The following TMCO6 variants were observed in gnomAD, a reference collection of about 807,000 sequenced individuals.
The protein encoded by TMCO6 is transmembrane and coiled-coil domains 6, also known as transmembrane and coiled-coil domain-containing protein 6.
Under a neutral mutation model 61.8 loss-of-function variants are expected in TMCO6, and 47 were observed. That is an observed-to-expected ratio of 0.76 (90% CI 0.60 to 0.97). The LOEUF is 0.97. Among genes scored for constraint, TMCO6 ranks in the 50% least tolerant of loss-of-function variants. The pLI, the probability that TMCO6 is intolerant of heterozygous loss-of-function variation, is 0.00. For synonymous variants in TMCO6, 261 were observed against 254.2 expected, an observed-to-expected ratio of 1.03 and a Z score of -0.25; for missense variants, 557 against 601.6, an observed-to-expected ratio of 0.93 and a Z score of 0.78.
chr5:140,645,690 G>A (rs1757351915), downstream of TMCO6: 3 of 1,614,094 alleles, frequency 1.9e-6, no homozygotes, highest in Non-Finnish European at 1.7e-6. Flanking sequence ...TGAAGAGAGA[G>A]AGGGAGGTGT....
rs1402685355 is a variant in TMCO6, at chr5:140,642,633, G to A, written c.651G>A (p.Gln217=). The change falls in exon 6 of 12, where the codon CAG becomes CAA. Residue 217 remains glutamine (Q), a synonymous_variant. Coordinates refer to ENST00000394671, the MANE Select transcript of TMCO6 (RefSeq NM_018502.5). ...VLEALGYALS[Q]LLQAEEAPEK... is the part of the protein sequence containing the mutation. ...AAGCTCTCGGATATGCCTTGTCCCA[G>A]CTTCTACAGGCTGAGGAAGCTCCAG... The A allele has an allele frequency of 6.2e-7, 1 of 1,614,246 alleles. No individual in the cohort carries two copies. The highest frequency in any genetic ancestry group is 2.2e-5 in the East Asian group (1 of 44,894).
the TMCO6 span, among the ~76,000 whole-genome samples, chr5:140,609,791 G>C: frequency 4.5e-4 from 69 of 152,226 alleles, no homozygotes; most frequent in Non-Finnish European, 5.6e-4. Flanking sequence ...GTAGTTTTAA[G>C]AGTGTAAGTC....
At chr5:140,643,705 G>A (rs1367747994) in intron 8 of TMCO6, 30 bp downstream of exon 8, 1 of 1,605,310 alleles carries the variant, frequency 6.2e-7, no homozygotes, top group Admixed American at 1.7e-5. Flanking sequence ...GAAATTCTGG[G>A]AGATGTTTCT....
At chr5:140,645,467 G>T, downstream of TMCO6, 1 of 1,337,434 alleles carries the variant, frequency 7.5e-7, no homozygotes, top group South Asian at 1.2e-5. Context: ...AGAACACCCT[G>T]AGAAAGTATT....
the TMCO6 span, among the ~76,000 whole-genome samples, chr5:140,623,445 T>C: frequency 6.6e-6 from 1 of 152,112 alleles, no homozygotes; most frequent in Non-Finnish European, 1.5e-5. Context: ...CTTAACTCTT[T>C]GTTCAGGGCT....
rs1757063652 is a variant in TMCO6, at chr5:140,641,921, CCTG to C, written c.371_373del (p.Leu124del). 6.2e-7 allele frequency: 1 copy of C among 1,613,580 alleles called. No individual in the cohort carries two copies. Among genetic ancestry groups the C allele is most frequent in the African/African-American group, 1.3e-5 (1 of 74,902 alleles). On this transcript the variant is annotated inframe_deletion, in exon 4 of 12. Coordinates refer to ENST00000394671, the MANE Select transcript of TMCO6 (RefSeq NM_018502.5). The stretch of plus-strand genomic sequence containing the variant: ...TCGGGCTCCTGACCAGCAACCAGGC[CCTG>C]CTGCAGCTTGAGGCGGCTCGGTGCC...
chr5:140,638,472 G>T (rs191453930), upstream of TMCO6, among the ~76,000 whole-genome samples: 1 of 151,998 alleles, frequency 6.6e-6, no homozygotes, highest in East Asian at 1.9e-4. Context: ...AAGTGTGTGT[G>T]GGGGGGAGTA....
chr5:140,635,634 T>C (rs186501052), upstream of TMCO6, among the ~76,000 whole-genome samples: 624 of 152,310 alleles, frequency 4.1e-3, 3 homozygotes, highest in Middle Eastern at 0.037. Flanking sequence ...TAGAAAGCCC[T>C]GGGACACAGA....
chr5:140,643,297 A>G, intron 7 of TMCO6: 1 of 595,854 alleles, frequency 1.7e-6, no homozygotes, highest in East Asian at 3.1e-5. Flanking sequence ...CCCGGGTTCA[A>G]GCGATTCTCC....
At chr5:140,640,642 C>A (rs1270544804) in intron 2 of TMCO6, among the ~76,000 whole-genome samples, 2 of 152,184 alleles carry the variant, frequency 1.3e-5, no homozygotes, top group Non-Finnish European at 2.9e-5. Flanking sequence ...CATGATCCAC[C>A]CGCCTTGGCC....
the TMCO6 span, among the ~76,000 whole-genome samples, chr5:140,631,268 G>C: frequency 6.6e-6 from 1 of 152,084 alleles, no homozygotes; most frequent in Non-Finnish European, 1.5e-5. Flanking sequence ...GCTTGTGCAG[G>C]ATAGGAGGCT....
downstream of TMCO6, among the ~76,000 whole-genome samples, chr5:140,646,798 T>C (rs1757429264): frequency 1.3e-5 from 2 of 152,098 alleles, no homozygotes; most frequent in Non-Finnish European, 2.9e-5. Flanking sequence ...TTTGATTCCG[T>C]TTTCTAATCT....
At chr5:140,627,927 T>C in the TMCO6 span, among the ~76,000 whole-genome samples, 2 of 151,850 alleles carry the variant, frequency 1.3e-5, no homozygotes, top group African/African-American at 4.8e-5. Context: ...ACATATCTGA[T>C]TGCAATATGC....
chr5:140,611,293 C>G, the TMCO6 span, among the ~76,000 whole-genome samples: 1 of 152,154 alleles, frequency 6.6e-6, no homozygotes, highest in African/African-American at 2.4e-5. Context: ...AGGCATACTT[C>G]CCATCACTCC....
chr5:140,613,669 C>G, the TMCO6 span, among the ~76,000 whole-genome samples: 1 of 152,112 alleles, frequency 6.6e-6, no homozygotes, highest in East Asian at 1.9e-4. Flanking sequence ...AGTTTTCCGT[C>G]TACTGTTTCT....
the TMCO6 span, among the ~76,000 whole-genome samples, chr5:140,611,819 C>T: frequency 2.0e-5 from 3 of 152,264 alleles, no homozygotes; most frequent in East Asian, 5.8e-4. Context: ...TACACAATAT[C>T]ATATGTAAAA....
the TMCO6 span, among the ~76,000 whole-genome samples, chr5:140,601,942 G>A: frequency 6.6e-6 from 1 of 152,148 alleles, no homozygotes; most frequent in Non-Finnish European, 1.5e-5. Context: ...ATAAAATATG[G>A]TCAACATATA....
rs1421950921 is a variant in TMCO6, at chr5:140,643,473, AG to A, written c.807-89del. Reference sequence around the variant, plus strand: ...CAGCCTCCCAAAGTGCTGGGATTACAGGCATAAGCCACCACGCCTAGGCAAC... The same window carrying A: ...CAGCCTCCCAAAGTGCTGGGATTACAGCATAAGCCACCACGCCTAGGCAAC... On this transcript the variant is annotated intron_variant, in intron 7 of 11. Coordinates refer to ENST00000394671, the MANE Select transcript of TMCO6 (RefSeq NM_018502.5). 345 of 1,212,902 alleles carry A rather than the reference AG, an allele frequency of 2.8e-4. 1 individual carries two copies. The highest frequency in any genetic ancestry group is 3.0e-5 in the Non-Finnish European group (25 of 819,916). 75.1% of individuals were successfully genotyped at this position (1,212,902 alleles called of 1,614,324 possible).
At position 140,642,791 on chromosome 5, in the gene TMCO6, A is replaced by G. The variant is rs1757122307; in HGVS notation, c.689+120A>G. Reference sequence around the variant, plus strand: ...TTTAAATTCATGTGTCTGGCTAGGAAGGGCTTTGGGTTTGGACACTTTCCC... The same window carrying G: ...TTTAAATTCATGTGTCTGGCTAGGAGGGGCTTTGGGTTTGGACACTTTCCC... On this transcript the variant is annotated intron_variant, in intron 6 of 11. Transcript: ENST00000394671. The G allele has an allele frequency of 3.2e-6, 5 of 1,587,130 alleles. No homozygotes were observed. In the South Asian group the frequency reaches 3.3e-5, roughly 11 times the overall value.
Sources: gnomAD v4.1 joint callset for allele counts (sites outside exome capture counted in the v4.1 genomes callset) on GRCh38, gnomAD v4.1.1 for gene constraint, MANE v1.5 for transcripts, NCBI Gene and HGNC (gene_info 2026-07-23, HGNC 2026-07-21) for gene names.